Variants in ARL16 observed in about 807,000 individuals in gnomAD.
ARL16 encodes the protein ARF like GTPase 16.
A neutral mutation model predicts 14.1 loss-of-function variants in ARL16; 21 were observed. The ratio of observed to expected loss-of-function variants is 1.48; its 90% confidence interval spans 1.05 to 2.14. The LOEUF (loss-of-function observed/expected upper bound fraction) is 2.14, where lower values mean the gene tolerates loss of function less well. Among genes scored for constraint, ARL16 ranks in the 30% most tolerant of loss-of-function variants. The pLI is 0.00. For missense variants in ARL16, 248 were observed against 222.0 expected (o/e 1.12, Z -0.74); for synonymous variants, 122 against 91.8 (o/e 1.33, Z -1.88).
At chr17:81,682,780 C>T (rs563014546) in intron 3 of ARL16, 5 of 569,346 alleles carry the variant, frequency 8.8e-6, no homozygotes, top group Non-Finnish European at 1.6e-5. Context: ...GGAGCAGCAG[C>T]CCTGCCCTCA....
In ARL16 at chr17:81,683,132, G is replaced by C; in HGVS notation, c.121-6C>G. 1 of 1,602,846 alleles carries C rather than the reference G, an allele frequency of 6.2e-7. No individual in the cohort carries two copies. The highest frequency in any genetic ancestry group is 8.5e-7 in the Non-Finnish European group (1 of 1,175,774). On this transcript the variant is annotated splice_polypyrimidine_tract_variant and splice_region_variant and intron_variant, in intron 2 of 4. Transcript: ENST00000622299. The stretch of plus-strand genomic sequence containing the variant: ...TCAGTAAGATTGGTGCCCACCTATA[G>C]GAAAAACCACGATGCAAAAAGAACA...
chr17:81,683,716 G>C lies in ARL16; in HGVS notation c.38C>G (p.Thr13Arg). The change falls in exon 1 of 5, where the codon ACG becomes AGG. Residue 13 changes from threonine to arginine, a missense_variant. Coordinates refer to ENST00000622299, the MANE Select transcript of ARL16 (RefSeq NM_001040025.3). The stretch of plus-strand genomic sequence containing the variant: ...ATCCTGCAGCCGTTTCACCAGCAGC[G>C]TCTTCCCGACGCCCGTGGCCCCCAG... ...LLLGATGVGK[T>R]LLVKRLQEVS... 1.2e-6 allele frequency: 2 copies of C among 1,607,252 alleles called. No homozygotes were observed. Among genetic ancestry groups the C allele is most frequent in the Non-Finnish European group, 1.7e-6 (2 of 1,178,024 alleles).
rs1290413081 is a variant in ARL16, at chr17:81,683,739, C to T, written c.15G>A (p.Leu5=). 8.7e-6 allele frequency: 14 copies of T among 1,607,896 alleles called. No individual in the cohort carries two copies. Among genetic ancestry groups the T allele is most frequent in the Non-Finnish European group, 1.2e-5 (14 of 1,178,856 alleles). The change falls in exon 1 of 5, where the codon CTG becomes CTA. Residue 5 remains leucine (L), a synonymous_variant. Coordinates refer to ENST00000622299, the MANE Select transcript of ARL16 (RefSeq NM_001040025.3). MCLL[L]GATGVGKTLL... ...GCGTCTTCCCGACGCCCGTGGCCCC[C>T]AGCAGGAGACACATTCCGTGCTTCG... is the stretch of plus-strand genomic sequence containing the variant.
Position 81,682,178 on chromosome 17 carries a change from T to G in ARL16, c.235-29A>C, listed in dbSNP as rs546308151. ...GGGAAAAAGAAAAAGACAGCAGCAA[T>G]GCCCCGCTGCCAAACTTCCTCCCCT... On this transcript the variant is annotated intron_variant, in intron 3 of 4. Coordinates refer to ENST00000622299, the MANE Select transcript of ARL16 (RefSeq NM_001040025.3). The G allele has an allele frequency of 7.2e-6, 11 of 1,522,226 alleles. No individual in the cohort carries two copies. The African/African-American group carries it at 1.5e-4, about 21-fold the overall frequency. 94.3% of individuals were successfully genotyped at this position (1,522,226 alleles called of 1,614,324 possible).
At position 81,682,024 on chromosome 17, in the gene ARL16, G is replaced by A; in HGVS notation, c.350+10C>T. 6.2e-7 allele frequency: 1 copy of A among 1,601,398 alleles called. No homozygotes were observed. The highest frequency in any genetic ancestry group is 2.2e-5 in the East Asian group (1 of 44,610). On this transcript the variant is annotated intron_variant, in intron 4 of 4. Coordinates refer to ENST00000622299, the MANE Select transcript of ARL16 (RefSeq NM_001040025.3). ...CCCGCTGTGCTCCCTCTCAGCTCAG[G>A]GACGCGTACATTTTATTGAAGAGTA...
Position 81,683,518 on chromosome 17 carries a change from G to C in ARL16, c.120+18C>G. ...GAACTGACCCCCCGCAACTCCACCC[G>C]CGGGGGCGGACACCTACCGTGGGCC... On this transcript the variant is annotated intron_variant, in intron 2 of 4. Coordinates refer to ENST00000622299, the MANE Select transcript of ARL16 (RefSeq NM_001040025.3). 1.3e-6 allele frequency: 2 copies of C among 1,556,014 alleles called. No homozygotes were observed. Among genetic ancestry groups the C allele is most frequent in the Non-Finnish European group, 1.7e-6 (2 of 1,156,086 alleles).
At chr17:81,683,500 C>A in intron 2 of ARL16, 36 bp downstream of exon 2, 1 of 1,526,166 alleles carries the variant, frequency 6.6e-7, no homozygotes, top group Non-Finnish European at 8.8e-7. Flanking sequence ...GCAGAACTGA[C>A]CCCCCGCAAC....
chr17:81,682,307 G>T, intron 3 of ARL16, 158 bp from the exon 4 acceptor site: 1 of 545,052 alleles, frequency 1.8e-6, no homozygotes. Context: ...CACGATCTCG[G>T]CTCACTGAAA....
intron 3 of ARL16, 22 bp downstream of exon 3, chr17:81,682,991 C>T (rs1486380111): frequency 1.3e-6 from 2 of 1,587,582 alleles, no homozygotes; most frequent in Non-Finnish European, 1.7e-6. Context: ...CTAAAGGAAG[C>T]CCATATAGGA....
chr17:81,683,301 G>C, intron 2 of ARL16, 175 bp from the exon 3 acceptor site: 1 of 814,572 alleles, frequency 1.2e-6, no homozygotes, highest in Non-Finnish European at 1.9e-6. Flanking sequence ...CTCGCTGTGG[G>C]GGCGACCAGC....
chr17:81,683,128 T>C lies in ARL16; in HGVS notation c.121-2A>G, dbSNP rs1444995962. ...GATGTCAGTAAGATTGGTGCCCACC[T>C]ATAGGAAAAACCACGATGCAAAAAG... is the stretch of plus-strand genomic sequence containing the variant. On this transcript the variant is annotated splice_acceptor_variant, in intron 2 of 4. Coordinates refer to ENST00000622299, the MANE Select transcript of ARL16 (RefSeq NM_001040025.3). LOFTEE classifies it high-confidence loss of function. 1 of 1,603,688 alleles carries C rather than the reference T, an allele frequency of 6.2e-7. No homozygotes were observed. Among genetic ancestry groups the C allele is most frequent in the East Asian group, 2.2e-5 (1 of 44,842 alleles).
In ARL16 at chr17:81,683,584, G is replaced by A. The variant is rs775402577; in HGVS notation, c.72C>T (p.Ser24=). The change falls in exon 2 of 5, where the codon TCC becomes TCT. Residue 24 remains serine (S), a synonymous_variant. Transcript: ENST00000622299. The part of the protein sequence containing the change: ...LLVKRLQEVS[S]RDGKGDLGEP... ...CCCCCAGGTCGCCTTTCCCATCCCG[G>A]GAGCTCACCTGTGCGAAGCGGTCAA... 31 of 1,603,916 alleles carry A rather than the reference G, an allele frequency of 1.9e-5. No homozygotes were observed. The highest frequency in any genetic ancestry group is 2.6e-5 in the Non-Finnish European group (31 of 1,176,460).
Position 81,681,649 on chromosome 17 carries a change from G to A in ARL16, c.*59C>T. ...GTGAGAAGAAACTATTGGCAGCAAA[G>A]CCATACTGCCCTCTGCCACCTCTCC... On this transcript the variant is annotated 3_prime_UTR_variant, in exon 5 of 5. Transcript: ENST00000622299. 2 of 1,491,416 alleles carry A rather than the reference G, an allele frequency of 1.3e-6. No homozygotes were observed. The highest frequency in any genetic ancestry group is 1.4e-5 in the African/African-American group (1 of 71,326). 92.4% of individuals were successfully genotyped at this position (1,491,416 alleles called of 1,614,324 possible).
In ARL16 at chr17:81,681,796, A is replaced by G. The variant is rs878960973; in HGVS notation, c.434T>C (p.Ile145Thr). ...PDIIACAKQN[I>T]TTAEISAREG... Reference sequence around the variant, plus strand: ...ACGGGCGCTGATTTCTGCCGTGGTGATGTTCTGCTTGGCACAAGCAATGAT... The same window carrying G: ...ACGGGCGCTGATTTCTGCCGTGGTGGTGTTCTGCTTGGCACAAGCAATGAT... The change falls in exon 5 of 5, where the codon ATC becomes ACC. Residue 145 changes from isoleucine (I) to threonine (T), a missense_variant. Coordinates refer to ENST00000622299, the MANE Select transcript of ARL16 (RefSeq NM_001040025.3). 1 of 1,612,530 alleles carries G rather than the reference A, an allele frequency of 6.2e-7. No individual in the cohort carries two copies. Among genetic ancestry groups the G allele is most frequent in the South Asian group, 1.1e-5 (1 of 90,876 alleles).
intron 1 of ARL16, 35 bp downstream of exon 1, chr17:81,683,658 C>T: frequency 6.3e-7 from 1 of 1,589,868 alleles, no homozygotes; most frequent in Non-Finnish European, 8.5e-7. Context: ...CGGGTGCCCC[C>T]CGCGCCCCGG....
chr17:81,683,616 G>C, intron 1 of ARL16, 22 bp from the exon 2 acceptor site: 1 of 1,596,160 alleles, frequency 6.3e-7, no homozygotes, highest in Non-Finnish European at 8.5e-7. Flanking sequence ...TCAAGGACCC[G>C]AGCAGCTAAA....
rs780372447 is a variant in ARL16, at chr17:81,683,038, T to C, written c.209A>G (p.Tyr70Cys). 2 of 1,613,702 alleles carry C rather than the reference T, an allele frequency of 1.2e-6. No homozygotes were observed. Among genetic ancestry groups the C allele is most frequent in the East Asian group, 2.2e-5 (1 of 44,882 alleles). The change falls in exon 3 of 5, where the codon TAC (tyrosine) becomes TGC (cysteine). Residue 70 changes from tyrosine (Y) to cysteine (C), a missense_variant. Coordinates refer to ENST00000622299, the MANE Select transcript of ARL16 (RefSeq NM_001040025.3). ...CAGGAGAGAACGGCAGTTTCCATAG[T>C]AACTGGACCAGATGGGGCCCATGCA... ...GGCMGPIWSS[Y>C]YGNCRSLLFV...
intron 3 of ARL16, chr17:81,682,806 G>A: frequency 1.7e-6 from 1 of 585,624 alleles, no homozygotes; most frequent in Non-Finnish European, 3.0e-6. Flanking sequence ...CCCTCTGTGA[G>A]CTCCTACCGG....
intron 2 of ARL16, 37 bp downstream of exon 2, chr17:81,683,499 A>AC (rs758853490): frequency 6.6e-6 from 10 of 1,522,152 alleles, no homozygotes; most frequent in South Asian, 5.2e-5. Flanking sequence ...CGCAGAACTG[A>AC]CCCCCCGCAA....
Sources: gnomAD v4.1 joint callset for allele counts on GRCh38, gnomAD v4.1.1 for gene constraint, MANE v1.5 for transcripts, NCBI Gene and HGNC (gene_info 2026-07-23, HGNC 2026-07-21) for gene names.